WWOX: variants seen among roughly 807,000 people sequenced by gnomAD.
The protein encoded by WWOX is WW domain containing oxidoreductase.
Under a neutral mutation model 46.2 loss-of-function variants are expected in WWOX, and 69 were observed. That is an observed-to-expected ratio of 1.49 (90% CI 1.23 to 1.82). The LOEUF (loss-of-function observed/expected upper bound fraction) is 1.82, where lower values mean the gene tolerates loss of function less well. Ranked by LOEUF, WWOX falls within the 40% of genes most tolerant of loss-of-function variation. The pLI is 0.00. For synonymous variants in WWOX, 359 were observed against 202.6 expected (o/e 1.77, Z -6.56); for missense variants, 919 against 542.6 (o/e 1.69, Z -6.89).
At chr16:79,076,522 C>T (rs919817180) in intron 8 of WWOX, among the ~76,000 whole-genome samples, 1 of 152,216 alleles carries the variant, frequency 6.6e-6, no homozygotes, top group South Asian at 2.1e-4. Context: ...TGCCAGCCCC[C>T]GCTGTCCTAG....
intron 8 of WWOX, among the ~76,000 whole-genome samples, chr16:79,195,120 CAG>C (rs1262502917): frequency 2.0e-5 from 3 of 152,096 alleles, no homozygotes; most frequent in African/African-American, 7.2e-5. Context: ...GAGGAGAAAA[CAG>C]AGGCTCAGAC....
intron 8 of WWOX, among the ~76,000 whole-genome samples, chr16:78,548,528 A>G (rs2044100637): frequency 6.6e-6 from 1 of 152,226 alleles, no homozygotes; most frequent in South Asian, 2.1e-4. Context: ...TTTTAACAGT[A>G]CATCACTGCC....
At chr16:79,208,406 A>T (rs573514917) in intron 8 of WWOX, among the ~76,000 whole-genome samples, 4 of 152,210 alleles carry the variant, frequency 2.6e-5, no homozygotes, top group Admixed American at 6.5e-5. Flanking sequence ...GTTTAGGGGA[A>T]CCCATAGCTC....
chr16:78,848,553 C>CT (rs1409893728), intron 8 of WWOX, among the ~76,000 whole-genome samples: 1 of 152,108 alleles, frequency 6.6e-6, no homozygotes, highest in East Asian at 1.9e-4. Context: ...GTGGTGTTGC[C>CT]TAAGGGTACG....
At chr16:78,544,226 TTCTC>T (rs765000604) in intron 8 of WWOX, among the ~76,000 whole-genome samples, 5 of 152,216 alleles carry the variant, frequency 3.3e-5, no homozygotes, top group Non-Finnish European at 4.4e-5. Flanking sequence ...GACACTAATA[TTCTC>T]TCTGACTATA....
At chr16:78,370,122 A>ACT (rs144851535) in intron 5 of WWOX, among the ~76,000 whole-genome samples, 6,844 of 94,218 alleles carry the variant, frequency 0.073, 247 homozygotes, top group East Asian at 0.13. Context: ...ACAGAGCAAG[A>ACT]CTGTCTCCAA....
chr16:78,253,009 G>T (rs1021795878), intron 5 of WWOX, among the ~76,000 whole-genome samples: 16 of 152,166 alleles, frequency 1.1e-4, no homozygotes, highest in Non-Finnish European at 2.2e-4. Context: ...ATCTATTTAC[G>T]TAGGCCCTTT....
intron 8 of WWOX, among the ~76,000 whole-genome samples, chr16:78,735,540 A>G (rs1412417726): frequency 6.6e-6 from 1 of 152,164 alleles, no homozygotes; most frequent in Non-Finnish European, 1.5e-5. Context: ...TTCCTGTTTT[A>G]TACTCAGCCA....
chr16:78,781,214 T>C (rs2142554155), intron 8 of WWOX, among the ~76,000 whole-genome samples: 1 of 152,258 alleles, frequency 6.6e-6, no homozygotes, highest in South Asian at 2.1e-4. Flanking sequence ...TTCCAAAGCC[T>C]ATGTGGGTGG....
At chr16:78,562,802 G>A (rs557956465) in intron 8 of WWOX, among the ~76,000 whole-genome samples, 4 of 152,178 alleles carry the variant, frequency 2.6e-5, no homozygotes, top group African/African-American at 7.2e-5. Context: ...GAGCTCTTCA[G>A]TGTCATCACA....
intron 5 of WWOX, among the ~76,000 whole-genome samples, chr16:78,364,727 C>G (rs554394793): frequency 1.3e-5 from 2 of 152,256 alleles, no homozygotes; most frequent in East Asian, 1.9e-4. Context: ...CTGCCAGCAT[C>G]TGTTAGTGTT....
chr16:79,124,226 GC>G, intron 8 of WWOX, among the ~76,000 whole-genome samples: 1 of 152,200 alleles, frequency 6.6e-6, no homozygotes, highest in Non-Finnish European at 1.5e-5. Flanking sequence ...ATTAGAGCGT[GC>G]CCCCTGCCCC....
intron 8 of WWOX, among the ~76,000 whole-genome samples, chr16:78,834,101 G>A (rs911852446): frequency 1.2e-4 from 18 of 152,328 alleles, no homozygotes; most frequent in Middle Eastern, 3.4e-3. Flanking sequence ...CGAACGTCTG[G>A]AACTGAGCAG....
chr16:78,847,997 C>T (rs1409918260), intron 8 of WWOX, among the ~76,000 whole-genome samples: 1 of 152,094 alleles, frequency 6.6e-6, no homozygotes, highest in African/African-American at 2.4e-5. Flanking sequence ...GAGTGGTTGC[C>T]CCAGCTGATA....
intron 8 of WWOX, among the ~76,000 whole-genome samples, chr16:79,189,653 C>G (rs2051092145): frequency 1.3e-5 from 2 of 151,936 alleles, no homozygotes; most frequent in African/African-American, 4.8e-5. Context: ...CTGTTCTAAT[C>G]TAAGGGGTTT....
chr16:78,870,561 T>C (rs1178290777), intron 8 of WWOX, among the ~76,000 whole-genome samples: 2 of 152,104 alleles, frequency 1.3e-5, no homozygotes, highest in African/African-American at 4.8e-5. Context: ...TTCCTCCTCT[T>C]CTCCCCTTGT....
chr16:79,111,843 G>A (rs1204706336), intron 8 of WWOX, among the ~76,000 whole-genome samples: 1 of 152,116 alleles, frequency 6.6e-6, no homozygotes, highest in African/African-American at 2.4e-5. Context: ...GGCCTGGCAG[G>A]GGACAAATTT....
chr16:78,908,330 AG>A (rs1343882259), intron 8 of WWOX, among the ~76,000 whole-genome samples: 1 of 152,132 alleles, frequency 6.6e-6, no homozygotes, highest in East Asian at 1.9e-4. Flanking sequence ...AACTGAGGTC[AG>A]GAGTTTGAGA....
At chr16:78,954,242 A>T (rs1285096990) in intron 8 of WWOX, among the ~76,000 whole-genome samples, 1 of 151,752 alleles carries the variant, frequency 6.6e-6, no homozygotes, top group African/African-American at 2.4e-5. Flanking sequence ...GGATGATTGG[A>T]TGGATGATGG....
Sources: gnomAD v4.1 joint callset for allele counts (sites outside exome capture counted in the v4.1 genomes callset) on GRCh38, gnomAD v4.1.1 for gene constraint, MANE v1.5 for transcripts, NCBI Gene and HGNC (gene_info 2026-07-23, HGNC 2026-07-21) for gene names.